LY75: variants seen among roughly 807,000 people sequenced by gnomAD.
The protein encoded by LY75 is C-type lectin domain family 13 member B.
In LY75, 185 loss-of-function variants were observed where a neutral mutation model predicts 231.7. The observed-to-expected ratio is 0.80, with a 90% CI of 0.71 to 0.90. The LOEUF (loss-of-function observed/expected upper bound fraction) is 0.90. Ranked by LOEUF, LY75 falls within the 40% of genes least tolerant of loss-of-function variation. The pLI is 0.00. For missense variants in LY75, 1,947 were observed against 2,050.2 expected (o/e 0.95, Z 0.97); for synonymous variants, 668 against 689.0 (o/e 0.97, Z 0.48).
At chr2:159,884,490 C>A (rs1455189139) in intron 6 of LY75, among the ~76,000 whole-genome samples, 2 of 152,138 alleles carry the variant, frequency 1.3e-5, no homozygotes, top group Non-Finnish European at 1.5e-5. Flanking sequence ...CCTGGAAAAA[C>A]CCCCTTATTG....
At chr2:159,875,293 T>G in intron 12 of LY75, 151 bp downstream of exon 12, 1 of 1,106,920 alleles carries the variant, frequency 9.0e-7, no homozygotes, top group East Asian at 2.7e-5. Context: ...ACACCAGAGG[T>G]TCAGCGATGC....
chr2:159,889,144 A>G (rs938721970), intron 4 of LY75, among the ~76,000 whole-genome samples: 4 of 152,188 alleles, frequency 2.6e-5, no homozygotes, highest in Non-Finnish European at 5.9e-5. Context: ...ATAGAATTTT[A>G]CTGAGTACAT....
At chr2:159,812,355 T>A (rs1054583995) in intron 31 of LY75, 2 of 151,638 alleles carry the variant, frequency 1.3e-5, no homozygotes, top group Admixed American at 6.6e-5. Context: ...AGAAGATCCA[T>A]TTTTTTTAAT....
intron 13 of LY75, among the ~76,000 whole-genome samples, chr2:159,868,584 A>G (rs1684920776): frequency 1.3e-5 from 2 of 152,220 alleles, no homozygotes; most frequent in Admixed American, 1.3e-4. Context: ...ACAAAGAAAC[A>G]AATCATAAAA....
chr2:159,839,370 A>C (rs1251100200), intron 25 of LY75, among the ~76,000 whole-genome samples: 2 of 152,170 alleles, frequency 1.3e-5, no homozygotes, highest in African/African-American at 4.8e-5. Flanking sequence ...TTATAGCCAA[A>C]ACTTCAGCTG....
chr2:159,807,651 G>A (rs1682828518), intron 33 of LY75: 1 of 985,256 alleles, frequency 1.0e-6, no homozygotes. Context: ...TGTGGTGACA[G>A]TGTAAACACG....
intron 34 of LY75, 126 bp from the exon 35 acceptor site, chr2:159,805,348 T>A (rs181373651): frequency 5.0e-6 from 3 of 604,092 alleles, no homozygotes; most frequent in Non-Finnish European, 5.8e-6. Flanking sequence ...TAAATCTGAT[T>A]GTTTCATAGC....
rs201265039 is a variant in LY75 at position 159,899,012 on chromosome 2, T to C, written c.142A>G (p.Lys48Glu). 37 of 1,614,020 alleles carry C rather than the reference T, an allele frequency of 2.3e-5. No individual in the cohort carries two copies. The highest frequency in any genetic ancestry group is 3.1e-5 in the Non-Finnish European group (37 of 1,179,972). The part of the protein sequence containing the change: ...IVHGNTGKCI[K>E]PVYGWIVADD... Reference sequence around the variant, plus strand: ...GCTACTATCCAGCCATACACTGGCTTGATGCACTTGCCCGTATTTCCATGG... The same window carrying C: ...GCTACTATCCAGCCATACACTGGCTCGATGCACTTGCCCGTATTTCCATGG... Residue 48 changes from lysine to glutamate, a missense_variant, in exon 2 of 35, where the codon AAG (lysine) becomes GAG (glutamate). Lys to Glu is a moderately conservative substitution (Grantham distance 56, BLOSUM62 1). Transcript: ENST00000263636.
chr2:159,879,366 C>T lies in LY75; in HGVS notation c.1408G>A (p.Gly470Ser). The T allele has an allele frequency of 6.2e-7, 1 of 1,612,674 alleles. No homozygotes were observed. The highest frequency in any genetic ancestry group is 8.5e-7 in the Non-Finnish European group (1 of 1,179,662). ...PNCVSYLGEL[G>S]QWKVQSCEEK... ...TCACATGATTGGACTTTCCACTGACCTAGCTTTGAAAGGAGACAAAAACAT... is the reference window on the plus strand; with the variant it reads ...TCACATGATTGGACTTTCCACTGACTTAGCTTTGAAAGGAGACAAAAACAT... Residue 470 changes from glycine (G) to serine (S), a missense_variant, in exon 9 of 35, where the codon GGT becomes AGT. By Grantham distance (56) the Gly-to-Ser change is moderately conservative (BLOSUM62 0). Transcript: ENST00000263636.
At chr2:159,875,745 T>TAAA in intron 11 of LY75, 102 bp from the exon 12 acceptor site, 1 of 1,257,584 alleles carries the variant, frequency 8.0e-7, no homozygotes, top group Non-Finnish European at 1.1e-6. Context: ...GGAGAGAGAA[T>TAAA]AAAAAAAAAA....
At position 159,804,936 on chromosome 2, in the gene LY75, G is replaced by A. The variant is rs1682749743; in HGVS notation, c.*108C>T. 2.5e-6 allele frequency: 2 copies of A among 809,268 alleles called. No individual in the cohort carries two copies. The highest frequency in any genetic ancestry group is 2.7e-5 in the Admixed American group (1 of 36,560). 50.1% of individuals were successfully genotyped at this position (809,268 alleles called of 1,614,324 possible). ...GCCTAAGATCTAAACAACTGAAAAA[G>A]TATTTAAGAGTTCTACTTTGGAGCA... On this transcript the variant is annotated 3_prime_UTR_variant, in exon 35 of 35. Transcript: ENST00000263636.
intron 31 of LY75, among the ~76,000 whole-genome samples, chr2:159,814,997 C>CTTTT (rs3035627): frequency 7.2e-5 from 8 of 111,452 alleles, no homozygotes; most frequent in African/African-American, 2.0e-4. Flanking sequence ...GTGAATACAT[C>CTTTT]TTTTTTTTTT....
intron 1 of LY75, chr2:159,902,454 A>G (rs1334223499): frequency 6.6e-6 from 1 of 152,228 alleles, no homozygotes; most frequent in Non-Finnish European, 1.5e-5. Context: ...TGATCACTAA[A>G]TAATTCCTGC....
Position 159,904,701 on chromosome 2 carries a change from TTCCGGCCGGGTCCTCGGGCG to T in LY75, c.-39_-20del, listed in dbSNP as rs765814806. On this transcript the variant is annotated 5_prime_UTR_variant, in exon 1 of 35. Transcript: ENST00000263636. ...TCCTCATCCTGAGCTGGCGCAAGCC[TTCCGGCCGGGTCCTCGGGCG>T]CACGCGGCTCCCGCCCCGCCTGCTG... 3.5e-6 allele frequency: 5 copies of T among 1,412,390 alleles called. No homozygotes were observed. The South Asian group carries it at 7.4e-5, about 21-fold the overall frequency. 87.5% of individuals were successfully genotyped at this position (1,412,390 alleles called of 1,614,324 possible).
intron 21 of LY75, among the ~76,000 whole-genome samples, chr2:159,851,156 G>A (rs2125854585): frequency 6.6e-6 from 1 of 152,114 alleles, no homozygotes; most frequent in South Asian, 2.1e-4. Context: ...TATCAGCTAT[G>A]CAAATTAACA....
intron 13 of LY75, among the ~76,000 whole-genome samples, chr2:159,870,971 T>C (rs1017480240): frequency 3.9e-5 from 6 of 152,134 alleles, no homozygotes; most frequent in Admixed American, 6.6e-5. Flanking sequence ...TTACACATTA[T>C]AGTATTGTTT....
At chr2:159,849,576 A>T (rs568931107) in intron 23 of LY75, among the ~76,000 whole-genome samples, 1 of 152,320 alleles carries the variant, frequency 6.6e-6, no homozygotes, top group East Asian at 1.9e-4. Flanking sequence ...ATCTGATGCT[A>T]CTGTGAAAAA....
Position 159,882,177 on chromosome 2 carries a change from C to T in LY75, c.1193G>A (p.Ser398Asn), listed in dbSNP as rs368670440. Residue 398 changes from serine (S) to asparagine (N), a missense_variant, in exon 7 of 35, where the codon AGC becomes AAC. Coordinates refer to ENST00000263636, the MANE Select transcript of LY75 (RefSeq NM_002349.4). The part of the protein sequence containing the change: ...KCKAFSSDLI[S>N]IHSLADVEVV... ...CTCCACATCTGCTAGAGAATGAATG[C>T]TGATTAGGTCACTACTGAAGGCTTT... 4 of 1,613,758 alleles carry T rather than the reference C, an allele frequency of 2.5e-6. No individual in the cohort carries two copies. The highest frequency in any genetic ancestry group is 3.3e-5 in the Admixed American group (2 of 59,958).
intron 33 of LY75, chr2:159,807,924 A>T: frequency 1.0e-6 from 1 of 984,368 alleles, no homozygotes; most frequent in Non-Finnish European, 1.2e-6. Flanking sequence ...CGCAAAAGTA[A>T]TGGCAAAAGC....
Sources: gnomAD v4.1 joint callset for allele counts (sites outside exome capture counted in the v4.1 genomes callset) on GRCh38, gnomAD v4.1.1 for gene constraint, MANE v1.5 for transcripts, NCBI Gene and HGNC (gene_info 2026-07-23, HGNC 2026-07-21) for gene names.